Variants in ROCK1 observed in about 807,000 individuals in gnomAD.
ROCK1 encodes the protein Rho associated coiled-coil containing protein kinase 1.
ROCK1 carries 36 observed loss-of-function variants against 196.8 expected under a neutral mutation model. The observed-to-expected ratio is 0.18, with a 90% confidence interval of 0.14 to 0.24. The LOEUF (loss-of-function observed/expected upper bound fraction) is 0.24. Ranked by LOEUF, ROCK1 falls within the 10% of genes least tolerant of loss-of-function variation. The pLI is 1.00. For missense variants in ROCK1, 920 were observed against 1,562.0 expected, an observed-to-expected ratio of 0.59 and a Z score of 6.93; for synonymous variants, 443 against 515.9, an observed-to-expected ratio of 0.86 and a Z score of 1.91.
At chr18:21,052,199 A>T (rs1239364154) in intron 2 of ROCK1, among the ~76,000 whole-genome samples, 1 of 152,206 alleles carries the variant, frequency 6.6e-6, no homozygotes, top group African/African-American at 2.4e-5. Context: ...TTACGTGCTA[A>T]CAAGTGTAAA....
At position 20,948,027 on chromosome 18, in the gene ROCK1, T is replaced by C. The variant is rs2035146388; in HGVS notation, c.*3357A>G. On this transcript the variant is annotated 3_prime_UTR_variant, in exon 33 of 33. Transcript: ENST00000399799. ...CGGGAGTCTGAGGCAGGAGGATCAC[T>C]TGAACCTGGGAGGCGGAGGTTGCAG... 1 of 152,090 alleles carries C rather than the reference T, an allele frequency of 6.6e-6. No homozygotes were observed. Among genetic ancestry groups the C allele is most frequent in the Non-Finnish European group, 1.5e-5 (1 of 68,016 alleles). 9.4% of individuals were successfully genotyped at this position (152,090 alleles called of 1,614,324 possible).
At chr18:20,970,257 C>G in intron 23 of ROCK1, 91 bp downstream of exon 23, 1 of 930,182 alleles carries the variant, frequency 1.1e-6, no homozygotes, top group Admixed American at 2.2e-5. Context: ...GAAGTAAATA[C>G]ACTTGCACAC....
chr18:21,009,149 T>C (rs1174421924), intron 13 of ROCK1, among the ~76,000 whole-genome samples: 4 of 151,228 alleles, frequency 2.6e-5, no homozygotes. Context: ...ATGCAATATA[T>C]GACTTTTTGA....
rs149939782 is a variant in ROCK1 at position 20,991,270 on chromosome 18, C to T, written c.2049G>A (p.Arg683=). ...LNYKLKSLQQ[R]LEQEVNEHKV... ...TGTGTTCATTTACCTCTTGTTCTAA[C>T]CGTTGTTGTAATGATTTAAGTTTGT... is the stretch of plus-strand genomic sequence containing the variant. Residue 683 remains arginine (R), a synonymous_variant, in exon 18 of 33, where the codon CGG becomes CGA. Transcript: ENST00000399799. The T allele has an allele frequency of 7.1e-5, 114 of 1,606,654 alleles. No homozygotes were observed. Among genetic ancestry groups the T allele is most frequent in the Middle Eastern group, 1.7e-4 (1 of 6,054 alleles).
chr18:20,947,262 A>T lies in ROCK1; in HGVS notation c.*4122T>A, dbSNP rs1338765759. Reference sequence around the variant, plus strand: ...GTTACATATACTTTGGAGATAATCCATTAGAAAACACAGCTAACTGTTAAT... The same window carrying T: ...GTTACATATACTTTGGAGATAATCCTTTAGAAAACACAGCTAACTGTTAAT... On this transcript the variant is annotated 3_prime_UTR_variant, in exon 33 of 33. Transcript: ENST00000399799. 1 of 151,994 alleles carries T rather than the reference A, an allele frequency of 6.6e-6. No homozygotes were observed. The highest frequency in any genetic ancestry group is 1.5e-5 in the Non-Finnish European group (1 of 67,976). The allele number at this position is 151,994 out of a possible 1,614,324, so 9.4% of individuals were successfully genotyped here. A position where few individuals can be genotyped will look rare whatever the true frequency, so the allele number is the denominator to read the frequency against.
intron 12 of ROCK1, among the ~76,000 whole-genome samples, chr18:21,016,702 T>G (rs943969140): frequency 6.6e-6 from 1 of 152,104 alleles, no homozygotes; most frequent in African/African-American, 2.4e-5. Flanking sequence ...TGACAACACC[T>G]AGGAATCATC....
At chr18:21,033,021 C>G (rs998903928) in intron 9 of ROCK1, among the ~76,000 whole-genome samples, 3 of 151,852 alleles carry the variant, frequency 2.0e-5, no homozygotes, top group African/African-American at 7.3e-5. Context: ...TAGCAAGACC[C>G]CAGCTCTACA....
At chr18:20,996,283 A>G (rs969218791) in intron 16 of ROCK1, among the ~76,000 whole-genome samples, 1 of 152,198 alleles carries the variant, frequency 6.6e-6, no homozygotes, top group Non-Finnish European at 1.5e-5. Flanking sequence ...CATACTGAAG[A>G]ATGCATCAGG....
rs1312158707 is a variant in ROCK1, at chr18:20,958,972, A to AAT, written c.3512+866_3512+867dup. On this transcript the variant is annotated intron_variant, in intron 29 of 32. Coordinates refer to ENST00000399799, the MANE Select transcript of ROCK1 (RefSeq NM_005406.3). ...TATATATATTTTATATAATATATAT[A>AAT]ATATATATATTTTATAAAAAATAAT... 5.9e-3 allele frequency among the ~76,000 whole-genome samples: 539 copies of AAT among 91,626 alleles called. 4 individuals carry two copies. Among genetic ancestry groups the AAT allele is most frequent in the Non-Finnish European group, 8.9e-3 (449 of 50,404 alleles). The allele number at this position is 91,626 out of a possible 152,430, so 60.1% of individuals were successfully genotyped here.
chr18:21,023,495 T>C (rs1442167391), intron 11 of ROCK1, 125 bp downstream of exon 11: 13 of 462,048 alleles, frequency 2.8e-5, no homozygotes, highest in Admixed American at 1.3e-4. Context: ...GAAAGTGCCA[T>C]AAAAATCTAA....
intron 17 of ROCK1, 38 bp downstream of exon 17, chr18:20,992,793 A>T: frequency 1.7e-6 from 2 of 1,158,120 alleles, no homozygotes; most frequent in Non-Finnish European, 2.6e-6. Flanking sequence ...ATCAGTAATT[A>T]CTATTTTATA....
intron 4 of ROCK1, among the ~76,000 whole-genome samples, chr18:21,046,096 G>T: frequency 6.6e-6 from 1 of 151,904 alleles, no homozygotes; most frequent in Non-Finnish European, 1.5e-5. Flanking sequence ...ATTTTTAGTA[G>T]AGATGGGGTT....
chr18:21,081,064 C>T (rs2036478850), intron 1 of ROCK1, among the ~76,000 whole-genome samples: 1 of 152,148 alleles, frequency 6.6e-6, no homozygotes, highest in Non-Finnish European at 1.5e-5. Flanking sequence ...ACAAAATACA[C>T]ATTTTTCTCA....
At chr18:20,990,985 C>G (rs1218457845) in intron 18 of ROCK1, among the ~76,000 whole-genome samples, 191 bp downstream of exon 18, 1 of 152,066 alleles carries the variant, frequency 6.6e-6, no homozygotes, top group Non-Finnish European at 1.5e-5. Context: ...GTCTCAAACT[C>G]CCGGCCTCAA....
At chr18:20,971,351 C>CAT (rs1290878797) in intron 22 of ROCK1, among the ~76,000 whole-genome samples, 2 of 132,364 alleles carry the variant, frequency 1.5e-5, no homozygotes, top group Admixed American at 1.7e-4. Context: ...CACATACACA[C>CAT]AGAAAATTCA....
chr18:21,042,021 G>C lies in ROCK1; in HGVS notation c.959+76C>G, dbSNP rs192239313. The C allele has an allele frequency of 2.3e-5, 30 of 1,330,820 alleles. No homozygotes were observed. The Admixed American group carries it at 6.6e-4, about 29-fold the overall frequency. The allele number at this position is 1,330,820 out of a possible 1,614,324, so 82.4% of individuals were successfully genotyped here. ...CTAACAATTTACATGTAGAAGCTCA[G>C]ATATGGACCTTAAAAATGGAGCAGA... is the stretch of plus-strand genomic sequence containing the variant. On this transcript the variant is annotated intron_variant, in intron 8 of 32. Coordinates refer to ENST00000399799, the MANE Select transcript of ROCK1 (RefSeq NM_005406.3).
intron 22 of ROCK1, among the ~76,000 whole-genome samples, chr18:20,978,104 GATGCAATTATACTTAATTGTA>G (rs1400252446): frequency 6.6e-6 from 1 of 150,650 alleles, no homozygotes; most frequent in East Asian, 1.9e-4. Flanking sequence ...ATTGCAAAAA[GATGCAATTATACTTAATTGTA>G]ATCAAGTCAA....
intron 17 of ROCK1, among the ~76,000 whole-genome samples, chr18:20,992,479 G>C (rs561928211): frequency 1.3e-5 from 2 of 152,242 alleles, no homozygotes; most frequent in Non-Finnish European, 2.9e-5. Flanking sequence ...ACCACGTACT[G>C]ATCTGTTGTT....
At chr18:20,989,984 T>C (rs927948668) in intron 18 of ROCK1, among the ~76,000 whole-genome samples, 3 of 152,170 alleles carry the variant, frequency 2.0e-5, no homozygotes, top group African/African-American at 7.2e-5. Flanking sequence ...GGCTCATGCC[T>C]GTAATCCCAG....
Sources: gnomAD v4.1 joint callset for allele counts (sites outside exome capture counted in the v4.1 genomes callset) on GRCh38, gnomAD v4.1.1 for gene constraint, MANE v1.5 for transcripts, NCBI Gene and HGNC (gene_info 2026-07-23, HGNC 2026-07-21) for gene names.